Variants in IGFBP7 observed in about 807,000 individuals in gnomAD.
IGFBP7 encodes the protein insulin-like growth factor-binding protein 7.
A neutral mutation model predicts 29.4 loss-of-function variants in IGFBP7; 31 were observed. The ratio of observed to expected loss-of-function variants is 1.05; its 90% CI spans 0.79 to 1.42. The LOEUF (loss-of-function observed/expected upper bound fraction) is 1.42, where lower values mean the gene tolerates loss of function less well. Ranked by LOEUF, IGFBP7 falls within the 40% of genes most tolerant of loss-of-function variation. IGFBP7 has a pLI of 0.00. For synonymous variants in IGFBP7, 172 were observed against 174.9 expected (o/e 0.98, Z 0.13); for missense variants, 393 against 395.5 (o/e 0.99, Z 0.05).
chr4:57,063,951 A>G (rs1436401308), intron 1 of IGFBP7, among the ~76,000 whole-genome samples: 1 of 152,240 alleles, frequency 6.6e-6, no homozygotes, highest in Admixed American at 6.5e-5. Flanking sequence ...GTAGCAACAT[A>G]TTCCTTTATT....
intron 1 of IGFBP7, among the ~76,000 whole-genome samples, chr4:57,042,207 T>C (rs1376143397): frequency 6.6e-6 from 1 of 152,204 alleles, no homozygotes; most frequent in Non-Finnish European, 1.5e-5. Context: ...AAACCATGTG[T>C]ATCCTTTTTG....
chr4:57,109,884 G>T lies in IGFBP7; in HGVS notation c.468C>A (p.Cys156Ter). The part of the protein sequence containing the change: ...KAITQVSKGT[C>*]EQGPSIVTPP... ...GGAAGCGCTCGTGCCCACCTTGCTC[G>T]CAGGTGCCCTTGCTGACCTGGGTGA... is the stretch of plus-strand genomic sequence containing the variant. Residue 156 changes from cysteine (C) to a stop codon, truncating the protein, a stop_gained, in exon 1 of 5, where the codon TGC becomes TGA. Coordinates refer to ENST00000295666, the MANE Select transcript of IGFBP7 (RefSeq NM_001553.3). LOFTEE classifies it high-confidence loss of function. The T allele has an allele frequency of 5.8e-6, 9 of 1,545,428 alleles. No homozygotes were observed. Among genetic ancestry groups the T allele is most frequent in the Non-Finnish European group, 7.8e-6 (9 of 1,151,638 alleles).
chr4:57,079,250 A>G (rs1422239442), intron 1 of IGFBP7, among the ~76,000 whole-genome samples: 2 of 148,834 alleles, frequency 1.3e-5, no homozygotes, highest in African/African-American at 4.9e-5. Flanking sequence ...GTGTGTTTTA[A>G]AAAAACAAAT....
At chr4:57,047,909 A>G (rs528111337) in intron 1 of IGFBP7, among the ~76,000 whole-genome samples, 1 of 151,874 alleles carries the variant, frequency 6.6e-6, no homozygotes, top group Non-Finnish European at 1.5e-5. Context: ...TAAATTTTGT[A>G]TTTTTTTAGA....
At chr4:57,032,633 A>T (rs1239867457) in intron 3 of IGFBP7, 81 bp from the exon 4 acceptor site, 1 of 1,137,330 alleles carries the variant, frequency 8.8e-7, no homozygotes, top group Non-Finnish European at 1.3e-6. Context: ...ATTATTTCAT[A>T]AATTTCCTAA....
At chr4:57,040,126 T>C (rs928941405) in intron 2 of IGFBP7, among the ~76,000 whole-genome samples, 1 of 152,170 alleles carries the variant, frequency 6.6e-6, no homozygotes, top group African/African-American at 2.4e-5. Context: ...CCCTAACTTA[T>C]GGTTCTACAG....
rs1354087593 is a variant in IGFBP7, at chr4:57,110,328, G to C, written c.24C>G (p.Ala8=). The change falls in exon 1 of 5, where the codon GCC becomes GCG. Residue 8 remains alanine, a synonymous_variant. Coordinates refer to ENST00000295666, the MANE Select transcript of IGFBP7 (RefSeq NM_001553.3). ...GCAGCCCAGCGGCGCCGAGGAGCAG[G>C]GCGCGCAGCGACGGCCGCTCCATGG... MERPSLR[A]LLLGAAGLLL... The C allele has an allele frequency of 2.7e-5, 37 of 1,394,294 alleles. No individual in the cohort carries two copies. The highest frequency in any genetic ancestry group is 3.4e-5 in the Non-Finnish European group (36 of 1,071,928). 86.4% of individuals were successfully genotyped at this position (1,394,294 alleles called of 1,614,324 possible). A position where few individuals can be genotyped will look rare whatever the true frequency, so the allele number is the denominator to read the frequency against.
rs1376832403 is a variant in IGFBP7, at chr4:57,043,632, ACAAT to A, written c.476-2703_476-2700del. Among the ~76,000 whole-genome samples, 3 of 152,288 alleles carry A rather than the reference ACAAT, an allele frequency of 2.0e-5. No individual in the cohort carries two copies. The East Asian group carries it at 5.8e-4, about 29-fold the overall frequency. On this transcript the variant is annotated intron_variant, in intron 1 of 4. Coordinates refer to ENST00000295666, the MANE Select transcript of IGFBP7 (RefSeq NM_001553.3). The stretch of plus-strand genomic sequence containing the variant: ...TTTTATTTTTGTAGGAATGTGCAAA[ACAAT>A]CAAAAGTTTGGAAAGCTCTAAATAC...
At chr4:57,070,542 G>A (rs1361848527) in intron 1 of IGFBP7, among the ~76,000 whole-genome samples, 1 of 152,204 alleles carries the variant, frequency 6.6e-6, no homozygotes, top group East Asian at 1.9e-4. Flanking sequence ...ATATTAGTTT[G>A]TGGGAGGAAG....
chr4:57,066,812 C>T (rs1253278109), intron 1 of IGFBP7, among the ~76,000 whole-genome samples: 1 of 151,862 alleles, frequency 6.6e-6, no homozygotes, highest in Non-Finnish European at 1.5e-5. Flanking sequence ...ATTCACCTGC[C>T]TCGGCCTCCT....
At chr4:57,045,616 G>C (rs1724340653) in intron 1 of IGFBP7, among the ~76,000 whole-genome samples, 1 of 152,054 alleles carries the variant, frequency 6.6e-6, no homozygotes, top group Non-Finnish European at 1.5e-5. Context: ...ATTCTTTCCA[G>C]TACTTTCTTC....
intron 1 of IGFBP7, among the ~76,000 whole-genome samples, chr4:57,083,378 C>T (rs978925712): frequency 5.3e-5 from 8 of 152,186 alleles, no homozygotes; most frequent in Non-Finnish European, 1.2e-4. Context: ...TATTGTTGTT[C>T]TAATTGCATT....
intron 2 of IGFBP7, among the ~76,000 whole-genome samples, chr4:57,037,927 AAG>A (rs1181163692): frequency 6.6e-6 from 1 of 152,224 alleles, no homozygotes; most frequent in African/African-American, 2.4e-5. Flanking sequence ...TTCTTGCAGT[AAG>A]GATGGAGGGG....
intron 1 of IGFBP7, among the ~76,000 whole-genome samples, chr4:57,048,060 T>C (rs1489358203): frequency 1.3e-4 from 16 of 120,244 alleles, no homozygotes; most frequent in African/African-American, 5.5e-4. Context: ...CCGCCCCCCT[T>C]TTTTTTTTTG....
chr4:57,109,329 C>T (rs779105157), intron 1 of IGFBP7, among the ~76,000 whole-genome samples: 9 of 152,200 alleles, frequency 5.9e-5, no homozygotes, highest in Admixed American at 1.3e-4. Context: ...GTCCCAGCTA[C>T]TTGGGAGGCT....
intron 1 of IGFBP7, among the ~76,000 whole-genome samples, chr4:57,049,254 T>C (rs139122109): frequency 0.016 from 2,403 of 152,286 alleles, 32 homozygotes; most frequent in Middle Eastern, 0.02. Flanking sequence ...AAGCTAAATA[T>C]ACTTGAATTA....
intron 1 of IGFBP7, among the ~76,000 whole-genome samples, chr4:57,099,744 T>A (rs1372831757): frequency 6.6e-6 from 1 of 152,180 alleles, no homozygotes; most frequent in Non-Finnish European, 1.5e-5. Flanking sequence ...GTTTTCCTAT[T>A]TTTTGAGACA....
chr4:57,079,605 G>T (rs1156706326), intron 1 of IGFBP7, among the ~76,000 whole-genome samples: 2 of 152,150 alleles, frequency 1.3e-5, no homozygotes, highest in Admixed American at 1.3e-4. Flanking sequence ...CTTCAGGAAA[G>T]TAATAGAAAA....
chr4:57,092,059 A>T lies in IGFBP7; in HGVS notation c.475+17818T>A, dbSNP rs964012706. 2.0e-5 allele frequency among the ~76,000 whole-genome samples: 3 copies of T among 152,196 alleles called. No homozygotes were observed. The East Asian group carries it at 5.8e-4, about 29-fold the overall frequency. The stretch of plus-strand genomic sequence containing the variant: ...TATGCCATTGACTGTAGTCAAATAG[A>T]ATAGTAGAGACCTTTTCTTTTCTTC... On this transcript the variant is annotated intron_variant, in intron 1 of 4. Transcript: ENST00000295666.
Sources: gnomAD v4.1 joint callset for allele counts (sites outside exome capture counted in the v4.1 genomes callset) on GRCh38, gnomAD v4.1.1 for gene constraint, MANE v1.5 for transcripts, NCBI Gene and HGNC (gene_info 2026-07-23, HGNC 2026-07-21) for gene names.